Variants in OPCML observed in about 807,000 individuals in gnomAD.
The protein encoded by OPCML is opioid-binding protein/cell adhesion molecule.
Under a neutral mutation model 37.8 loss-of-function variants are expected in OPCML, and 13 were observed. The observed-to-expected ratio is 0.34, with a 90% CI of 0.22 to 0.55. The LOEUF (loss-of-function observed/expected upper bound fraction) is 0.55, where lower values mean the gene tolerates loss of function less well. Among genes scored for constraint, OPCML ranks in the 20% least tolerant of loss-of-function variants. OPCML has a pLI of 0.91. For synonymous variants in OPCML, 176 were observed against 168.8 expected (o/e 1.04, Z -0.33); for missense variants, 341 against 435.6 (o/e 0.78, Z 1.93).
intron 4 of OPCML, among the ~76,000 whole-genome samples, chr11:132,514,587 C>T (rs1430688313): frequency 1.3e-5 from 2 of 152,162 alleles, no homozygotes; most frequent in Non-Finnish European, 2.9e-5. Flanking sequence ...TCTGAAGCTT[C>T]TTTACTCCTT....
intron 1 of OPCML, among the ~76,000 whole-genome samples, chr11:133,501,332 A>G (rs1947911627): frequency 6.6e-6 from 1 of 152,172 alleles, no homozygotes. Flanking sequence ...AACACACGTC[A>G]TGACCTAATC....
intron 1 of OPCML, among the ~76,000 whole-genome samples, chr11:133,465,894 T>C (rs1946966999): frequency 6.6e-6 from 1 of 152,232 alleles, no homozygotes; most frequent in South Asian, 2.1e-4. Context: ...TGGTTATGAA[T>C]GCATACATCT....
intron 1 of OPCML, among the ~76,000 whole-genome samples, chr11:133,093,252 A>G (rs1354992598): frequency 6.7e-6 from 1 of 148,444 alleles, no homozygotes; most frequent in Admixed American, 6.8e-5. Flanking sequence ...CGTCCCCCAA[A>G]TCCAATGTAT....
intron 1 of OPCML, among the ~76,000 whole-genome samples, chr11:133,151,137 G>A (rs1460455379): frequency 2.0e-5 from 3 of 151,940 alleles, no homozygotes; most frequent in Non-Finnish European, 2.9e-5. Context: ...GCTGGGCGTG[G>A]TGGTGCACGC....
chr11:133,290,466 A>G (rs1337759584), intron 1 of OPCML, among the ~76,000 whole-genome samples: 1 of 152,200 alleles, frequency 6.6e-6, no homozygotes, highest in Non-Finnish European at 1.5e-5. Flanking sequence ...TCAGAAAGAA[A>G]AGACTAATGC....
chr11:132,794,551 T>C (rs986510229), intron 2 of OPCML, among the ~76,000 whole-genome samples: 1 of 152,150 alleles, frequency 6.6e-6, no homozygotes, highest in African/African-American at 2.4e-5. Context: ...TTTCCTGCTT[T>C]CCTGCTTCCT....
chr11:132,524,123 C>T (rs2096301769), intron 4 of OPCML, among the ~76,000 whole-genome samples: 1 of 152,196 alleles, frequency 6.6e-6, no homozygotes, highest in African/African-American at 2.4e-5. Flanking sequence ...TAGAACACAA[C>T]AGACTCCAGG....
intron 1 of OPCML, among the ~76,000 whole-genome samples, chr11:133,112,806 G>C (rs368946319): frequency 9.2e-5 from 14 of 152,052 alleles, no homozygotes; most frequent in Non-Finnish European, 1.6e-4. Flanking sequence ...AGGGCGAGCA[G>C]GTTAAAGGAC....
At chr11:133,483,590 A>C (rs542623701) in intron 1 of OPCML, among the ~76,000 whole-genome samples, 1 of 152,004 alleles carries the variant, frequency 6.6e-6, no homozygotes, top group East Asian at 1.9e-4. Context: ...GATTAGATAG[A>C]TTCATAGATA....
intron 1 of OPCML, among the ~76,000 whole-genome samples, chr11:133,245,019 A>T (rs1940869692): frequency 6.6e-6 from 1 of 152,164 alleles, no homozygotes; most frequent in African/African-American, 2.4e-5. Context: ...GTCCATGAGG[A>T]TGTGTGGAAT....
At chr11:133,309,600 A>G (rs571521989) in intron 1 of OPCML, among the ~76,000 whole-genome samples, 43 of 152,322 alleles carry the variant, frequency 2.8e-4, no homozygotes, top group South Asian at 4.1e-4. Context: ...TAACATTCTA[A>G]TATGTTCTGT....
intron 1 of OPCML, among the ~76,000 whole-genome samples, chr11:133,500,833 C>A (rs192791327): frequency 5.3e-4 from 81 of 152,228 alleles, no homozygotes; most frequent in African/African-American, 1.8e-3. Context: ...AACTCAGAGA[C>A]TAGGACTTAA....
At chr11:133,098,205 T>TG (rs933016741) in intron 1 of OPCML, among the ~76,000 whole-genome samples, 1 of 150,712 alleles carries the variant, frequency 6.6e-6, no homozygotes, top group African/African-American at 2.5e-5. Context: ...TATGCAAGGC[T>TG]GGTTAAACTT....
chr11:132,425,500 T>C, intron 7 of OPCML, among the ~76,000 whole-genome samples: 1 of 152,130 alleles, frequency 6.6e-6, no homozygotes, highest in Admixed American at 6.5e-5. Context: ...GTGGAAGGAG[T>C]AGTTCTATCT....
chr11:133,246,282 C>T (rs1301620716), intron 1 of OPCML, among the ~76,000 whole-genome samples: 3 of 152,108 alleles, frequency 2.0e-5, no homozygotes, highest in Non-Finnish European at 2.9e-5. Flanking sequence ...GTAGTCTGTA[C>T]CCTTTAAACT....
chr11:132,584,479 A>T (rs897632701), intron 3 of OPCML, among the ~76,000 whole-genome samples: 1 of 152,204 alleles, frequency 6.6e-6, no homozygotes, highest in Non-Finnish European at 1.5e-5. Flanking sequence ...TTAAGTGATC[A>T]ATGAGTTAAT....
At chr11:132,433,253 A>G (rs1372847434) in intron 7 of OPCML, among the ~76,000 whole-genome samples, 1 of 152,220 alleles carries the variant, frequency 6.6e-6, no homozygotes, top group African/African-American at 2.4e-5. Flanking sequence ...GAAACACGAC[A>G]GTATTCAGTG....
chr11:133,034,131 G>A (rs1947724633), intron 1 of OPCML, among the ~76,000 whole-genome samples: 1 of 152,246 alleles, frequency 6.6e-6, no homozygotes. Flanking sequence ...GAGGCTGAGG[G>A]GATGCTCCTA....
intron 2 of OPCML, among the ~76,000 whole-genome samples, chr11:132,777,373 GT>G (rs1410888527): frequency 6.6e-6 from 1 of 152,086 alleles, no homozygotes; most frequent in Non-Finnish European, 1.5e-5. Context: ...ACTTTTTTAT[GT>G]CCAAAACAAT....
Sources: allele counts gnomAD v4.1 joint callset (sites outside exome capture counted in the v4.1 genomes callset), GRCh38; gene constraint gnomAD v4.1.1; transcripts MANE v1.5; gene names NCBI Gene and HGNC (gene_info 2026-07-23, HGNC 2026-07-21).